UBQLN1: variants seen among roughly 807,000 people sequenced by gnomAD.
UBQLN1 encodes ubiquilin-1.
A neutral mutation model predicts 65.4 loss-of-function variants in UBQLN1; 13 were observed. That is an observed-to-expected ratio of 0.20 (90% CI 0.13 to 0.32). The LOEUF is 0.32. Among genes scored for constraint, UBQLN1 ranks in the 10% least tolerant of loss-of-function variants. The pLI, the probability that UBQLN1 is intolerant of heterozygous loss-of-function variation, is 1.00. For synonymous variants in UBQLN1, 267 were observed against 247.8 expected (o/e 1.08, Z -0.73); for missense variants, 561 against 724.0 (o/e 0.77, Z 2.58).
intron 4 of UBQLN1, among the ~76,000 whole-genome samples, chr9:83,679,393 G>T (rs1831902163): frequency 6.6e-6 from 1 of 152,138 alleles, no homozygotes; most frequent in East Asian, 1.9e-4. Context: ...AAGCTTTAAA[G>T]TTGTTGCAAT....
At chr9:83,701,165 T>C in intron 1 of UBQLN1, among the ~76,000 whole-genome samples, 1 of 152,186 alleles carries the variant, frequency 6.6e-6, no homozygotes, top group Non-Finnish European at 1.5e-5. Context: ...ATATTTATAA[T>C]ATTACAAATT....
rs1320977702 is a variant in UBQLN1 at position 83,707,936 on chromosome 9, G to A, written c.-257C>T. 3 of 507,238 alleles carry A rather than the reference G, an allele frequency of 5.9e-6. No homozygotes were observed. Among genetic ancestry groups the A allele is most frequent in the East Asian group, 3.5e-5 (1 of 28,356 alleles). 31.4% of individuals were successfully genotyped at this position (507,238 alleles called of 1,614,324 possible). On this transcript the variant is annotated 5_prime_UTR_variant, in exon 1 of 11. Coordinates refer to ENST00000376395, the MANE Select transcript of UBQLN1 (RefSeq NM_013438.5). Reference sequence around the variant, plus strand: ...CCGCTCGCTCACACCGACATCCGCAGCAGCCACCGCTTCCTCCTCCCTGCC... The same window carrying A: ...CCGCTCGCTCACACCGACATCCGCAACAGCCACCGCTTCCTCCTCCCTGCC...
intron 1 of UBQLN1, among the ~76,000 whole-genome samples, chr9:83,689,854 G>A (rs1832097340): frequency 6.6e-6 from 1 of 151,782 alleles, no homozygotes; most frequent in African/African-American, 2.4e-5. Flanking sequence ...TTGAAAAATG[G>A]CCAAGAAATT....
chr9:83,666,433 T>C lies in UBQLN1; in HGVS notation c.1249A>G (p.Met417Val). Residue 417 changes from methionine to valine, a missense_variant and splice_region_variant, in exon 8 of 11, where the codon ATG becomes GTG. Met to Val is a conservative substitution (Grantham distance 21, BLOSUM62 1). This residue lies in a region of UBQLN1 where 102 missense variants were observed against 150.7 expected (regional missense o/e 0.68). Transcript: ENST00000376395. ...GCAAATAGGGGATTATTCAGCATCA[T>C]CTATGGGGCAAGTGTTCAAACAATT... ...LSQNPDLAAQ[M>V]MLNNPLFAGN... 1 of 1,613,660 alleles carries C rather than the reference T, an allele frequency of 6.2e-7. No homozygotes were observed.
At chr9:83,668,432 A>G in intron 7 of UBQLN1, 1 of 985,378 alleles carries the variant, frequency 1.0e-6, no homozygotes, top group Non-Finnish European at 1.2e-6. Context: ...TTTATTTCAC[A>G]TTCTCCGTGG....
At chr9:83,680,928 T>C (rs1169820019) in intron 3 of UBQLN1, among the ~76,000 whole-genome samples, 1 of 152,166 alleles carries the variant, frequency 6.6e-6, no homozygotes, top group Admixed American at 6.5e-5. Context: ...TGTAGGTAGG[T>C]AGTATCAGAA....
rs143503799 is a variant in UBQLN1, at chr9:83,664,591, A to T, written c.1448+439T>A. Reference sequence around the variant, plus strand: ...AAAGAGCAAAAACCGATCTCTTAATAAATAAATAAGTAAATAAATAAATAA... The same window carrying T: ...AAAGAGCAAAAACCGATCTCTTAATTAATAAATAAGTAAATAAATAAATAA... On this transcript the variant is annotated intron_variant, in intron 9 of 10. Coordinates refer to ENST00000376395, the MANE Select transcript of UBQLN1 (RefSeq NM_013438.5). Among the ~76,000 whole-genome samples the T allele has an allele frequency of 3.6e-4, 54 of 152,076 alleles. 1 individual carries two copies. The highest frequency in any genetic ancestry group is 1.3e-3 in the African/African-American group (53 of 41,478).
At chr9:83,686,458 G>A (rs552976090) in intron 1 of UBQLN1, among the ~76,000 whole-genome samples, 3 of 152,210 alleles carry the variant, frequency 2.0e-5, no homozygotes, top group Non-Finnish European at 4.4e-5. Flanking sequence ...TTTTATGTCA[G>A]TATCTTGATG....
intron 8 of UBQLN1, 45 bp from the exon 9 acceptor site, chr9:83,665,190 G>A (rs755020398): frequency 2.1e-6 from 3 of 1,431,220 alleles, no homozygotes; most frequent in African/African-American, 2.9e-5. Flanking sequence ...ATTAAAATCA[G>A]TGAACGTAAA....
At chr9:83,681,876 T>C (rs1034328791) in intron 3 of UBQLN1, among the ~76,000 whole-genome samples, 1 of 152,160 alleles carries the variant, frequency 6.6e-6, no homozygotes, top group Non-Finnish European at 1.5e-5. Context: ...AGAGCTATAA[T>C]ACAGCAGAAT....
chr9:83,667,674 T>A, intron 7 of UBQLN1: 5 of 985,354 alleles, frequency 5.1e-6, no homozygotes, highest in Non-Finnish European at 6.0e-6. Flanking sequence ...CTTCATTTCA[T>A]CTTAAAAAAG....
At chr9:83,668,456 G>A in intron 7 of UBQLN1, 11 of 985,294 alleles carry the variant, frequency 1.1e-5, no homozygotes, top group Non-Finnish European at 1.3e-5. Context: ...TTCAAGCCCT[G>A]TGGTATGGAA....
At chr9:83,699,892 C>T (rs759439779) in intron 1 of UBQLN1, among the ~76,000 whole-genome samples, 3 of 152,150 alleles carry the variant, frequency 2.0e-5, no homozygotes, top group Admixed American at 6.5e-5. Flanking sequence ...CCTAAGGCAC[C>T]CATTATAAGC....
At chr9:83,687,691 G>C (rs1338979995) in intron 1 of UBQLN1, among the ~76,000 whole-genome samples, 1 of 152,174 alleles carries the variant, frequency 6.6e-6, no homozygotes, top group Admixed American at 6.5e-5. Context: ...TTGAAAATCA[G>C]AGATAGGTGC....
intron 1 of UBQLN1, among the ~76,000 whole-genome samples, chr9:83,686,375 G>C (rs72746869): frequency 0.13 from 19,789 of 152,076 alleles, 1,640 homozygotes; most frequent in Middle Eastern, 0.25. Flanking sequence ...CTGGGTGACA[G>C]AGTGATATCC....
intron 1 of UBQLN1, among the ~76,000 whole-genome samples, chr9:83,689,088 G>A (rs1427328900): frequency 6.6e-6 from 1 of 151,960 alleles, no homozygotes; most frequent in East Asian, 1.9e-4. Flanking sequence ...CCCACCTATG[G>A]CTCATCACTT....
chr9:83,667,813 T>G (rs1231721578), intron 7 of UBQLN1: 1 of 974,796 alleles, frequency 1.0e-6, no homozygotes, highest in East Asian at 1.1e-4. Context: ...ATCAAAAGAA[T>G]AGAAAAACCA....
At chr9:83,671,785 G>A (rs575373751) in intron 6 of UBQLN1, among the ~76,000 whole-genome samples, 1 of 152,252 alleles carries the variant, frequency 6.6e-6, no homozygotes, top group East Asian at 1.9e-4. Flanking sequence ...TCAGTCACCA[G>A]ACACATTAGC....
At chr9:83,687,169 G>T (rs1200151272) in intron 1 of UBQLN1, among the ~76,000 whole-genome samples, 1 of 152,074 alleles carries the variant, frequency 6.6e-6, no homozygotes, top group Non-Finnish European at 1.5e-5. Flanking sequence ...AAGCATAAAG[G>T]GAAGTCAGGG....
Sources: gnomAD v4.1 joint callset for allele counts (sites outside exome capture counted in the v4.1 genomes callset) on GRCh38, gnomAD v4.1.1 for gene constraint, gnomAD v4.1.1 regional missense constraint, MANE v1.5 for transcripts, NCBI Gene and HGNC (gene_info 2026-07-23, HGNC 2026-07-21) for gene names.